MGAT5: variants seen among roughly 807,000 people sequenced by gnomAD.
The protein encoded by MGAT5 is alpha-1,6-mannosylglycoprotein 6-beta-N-acetylglucosaminyltransferase A.
MGAT5 carries 30 observed loss-of-function variants against 94.3 expected under a neutral mutation model. The ratio of observed to expected loss-of-function variants is 0.32; its 90% CI spans 0.24 to 0.43. MGAT5 has a LOEUF of 0.43. MGAT5 is among the 20% of genes least tolerant of loss of function. The pLI, the probability that MGAT5 is intolerant of heterozygous loss-of-function variation, is 1.00. For missense variants in MGAT5, 691 were observed against 905.5 expected, an observed-to-expected ratio of 0.76 and a Z score of 3.04; for synonymous variants, 310 against 322.9, an observed-to-expected ratio of 0.96 and a Z score of 0.43.
intron 10 of MGAT5, among the ~76,000 whole-genome samples, chr2:134,393,439 G>A (rs1272860129): frequency 6.6e-6 from 1 of 152,116 alleles, no homozygotes; most frequent in African/African-American, 2.4e-5. Flanking sequence ...TCTTCAAAAA[G>A]TCTTGTCTTT....
chr2:134,326,754 A>G (rs961528758), intron 4 of MGAT5, among the ~76,000 whole-genome samples: 1 of 152,146 alleles, frequency 6.6e-6, no homozygotes. Context: ...GAAATACTAA[A>G]GAGAGGGCAA....
chr2:134,227,835 T>A (rs1277011679), intron 1 of MGAT5, among the ~76,000 whole-genome samples: 1 of 152,078 alleles, frequency 6.6e-6, no homozygotes, highest in Non-Finnish European at 1.5e-5. Context: ...GTGGTGGTAA[T>A]GAGATGGTTT....
chr2:134,189,592 GTTTTTTTTTGTTTTT>G lies in MGAT5; in HGVS notation c.-142-64660_-142-64646del, dbSNP rs1319706763. On this transcript the variant is annotated intron_variant, in intron 1 of 16. Coordinates refer to the MGAT5 transcript ENST00000409645. ...ACATATGACTAACCTCATGGCTCTA[GTTTTTTTTTGTTTTT>G]TTTTTTTTTTTTTAAGACAGAGTCT... 1.1e-3 allele frequency among the ~76,000 whole-genome samples: 61 copies of G among 56,302 alleles called. 2 individuals carry two copies. Among genetic ancestry groups the G allele is most frequent in the African/African-American group, 3.6e-3 (58 of 16,118 alleles). The allele number at this position is 56,302 out of a possible 152,430, so 36.9% of individuals were successfully genotyped here. A position where few individuals can be genotyped will look rare whatever the true frequency, so the allele number is the denominator to read the frequency against.
intron 1 of MGAT5, among the ~76,000 whole-genome samples, chr2:134,256,551 C>A (rs931730654): frequency 6.6e-6 from 1 of 152,144 alleles, no homozygotes; most frequent in Non-Finnish European, 1.5e-5. Flanking sequence ...TGATGAAAAT[C>A]TCATAGGGAA....
At chr2:134,270,103 G>C (rs1683938575) in intron 1 of MGAT5, among the ~76,000 whole-genome samples, 1 of 152,236 alleles carries the variant, frequency 6.6e-6, no homozygotes. Flanking sequence ...TGCTATAGCA[G>C]GATGCTAAAT....
At chr2:134,380,016 A>AG (rs1190080532) in intron 10 of MGAT5, among the ~76,000 whole-genome samples, 2 of 152,242 alleles carry the variant, frequency 1.3e-5, no homozygotes, top group African/African-American at 4.8e-5. Flanking sequence ...CTTGGGTCAT[A>AG]GGGCTGTAGA....
At chr2:134,317,478 T>C in intron 2 of MGAT5, 51 bp from the exon 3 acceptor site, 1 of 1,344,038 alleles carries the variant, frequency 7.4e-7, no homozygotes. Context: ...AATGTTAGGC[T>C]TGTGTTTTAT....
At chr2:134,301,948 A>G (rs1686046506) in intron 2 of MGAT5, among the ~76,000 whole-genome samples, 1 of 152,128 alleles carries the variant, frequency 6.6e-6, no homozygotes, top group South Asian at 2.1e-4. Flanking sequence ...TCACTATTCC[A>G]CTTCCTAGAT....
chr2:134,299,664 T>C (rs1685899620), intron 2 of MGAT5, among the ~76,000 whole-genome samples: 1 of 152,192 alleles, frequency 6.6e-6, no homozygotes, highest in Non-Finnish European at 1.5e-5. Context: ...GTATCTAATA[T>C]TTATCCCCTG....
chr2:134,256,803 A>T (rs2105528967), intron 1 of MGAT5, among the ~76,000 whole-genome samples: 1 of 152,348 alleles, frequency 6.6e-6, no homozygotes, highest in South Asian at 2.1e-4. Context: ...CAAAGAAACA[A>T]TCAAACAGGT....
At chr2:134,132,320 T>G (rs1321793976) in intron 1 of MGAT5, among the ~76,000 whole-genome samples, 1 of 152,192 alleles carries the variant, frequency 6.6e-6, no homozygotes, top group Non-Finnish European at 1.5e-5. Context: ...CTGAAACTGT[T>G]TATCTTGTAA....
At chr2:134,223,031 T>C (rs956560680) in intron 1 of MGAT5, among the ~76,000 whole-genome samples, 1 of 152,164 alleles carries the variant, frequency 6.6e-6, no homozygotes, top group African/African-American at 2.4e-5. Flanking sequence ...TCACAACTTA[T>C]AATTGGGAGT....
chr2:134,374,012 C>T (rs1204727425), intron 10 of MGAT5, among the ~76,000 whole-genome samples: 1 of 152,206 alleles, frequency 6.6e-6, no homozygotes, highest in African/African-American at 2.4e-5. Context: ...TTGTTTAAAA[C>T]ATCAGCCAAT....
At chr2:134,224,069 T>G (rs1410324088) in intron 1 of MGAT5, among the ~76,000 whole-genome samples, 1 of 152,236 alleles carries the variant, frequency 6.6e-6, no homozygotes, top group Non-Finnish European at 1.5e-5. Context: ...AAACAAGATG[T>G]TTGTTTAACT....
chr2:134,429,924 C>G (rs1167544652), intron 14 of MGAT5, among the ~76,000 whole-genome samples: 1 of 152,290 alleles, frequency 6.6e-6, no homozygotes, highest in East Asian at 1.9e-4. Context: ...CCAAGACTCA[C>G]AGTTATCAGG....
chr2:134,251,332 C>T (rs959791598), upstream of MGAT5, among the ~76,000 whole-genome samples: 57 of 152,346 alleles, frequency 3.7e-4, no homozygotes, highest in Admixed American at 5.2e-4. Context: ...GATGGCCGCT[C>T]ATGCTCAATA....
At chr2:134,416,349 G>A (rs924474743) in intron 12 of MGAT5, among the ~76,000 whole-genome samples, 13 of 151,976 alleles carry the variant, frequency 8.6e-5, no homozygotes, top group Admixed American at 2.0e-4. Context: ...CTGTGAATTT[G>A]CCTATTCTAG....
intron 2 of MGAT5, among the ~76,000 whole-genome samples, chr2:134,311,150 A>G (rs929197797): frequency 4.6e-5 from 7 of 152,218 alleles, no homozygotes; most frequent in African/African-American, 1.7e-4. Context: ...CGGCAAAACA[A>G]CTGGGTAAGG....
intron 1 of MGAT5, among the ~76,000 whole-genome samples, chr2:134,153,947 C>A (rs991840893): frequency 2.6e-5 from 4 of 152,156 alleles, no homozygotes; most frequent in African/African-American, 9.7e-5. Context: ...TCGGCCCCTT[C>A]CATAGGGGCA....
Sources: allele counts gnomAD v4.1 joint callset (sites outside exome capture counted in the v4.1 genomes callset), GRCh38; gene constraint gnomAD v4.1.1; transcripts MANE v1.5; gene names NCBI Gene and HGNC (gene_info 2026-07-23, HGNC 2026-07-21).